ZFYVE9: variants seen among roughly 807,000 people sequenced by gnomAD.
ZFYVE9 encodes the protein zinc finger FYVE-type containing 9.
ZFYVE9 carries 43 observed loss-of-function variants against 126.7 expected under a neutral mutation model. The observed-to-expected ratio is 0.34, with a 90% CI of 0.27 to 0.44. The LOEUF (loss-of-function observed/expected upper bound fraction) is 0.44. Ranked by LOEUF, ZFYVE9 falls within the 20% of genes least tolerant of loss-of-function variation. ZFYVE9 has a pLI of 1.00. For synonymous variants in ZFYVE9, 521 were observed against 597.4 expected (o/e 0.87, Z 1.87); for missense variants, 1,476 against 1,697.0 (o/e 0.87, Z 2.29).
At chr1:52,218,485 G>A (rs1485878733) in intron 2 of ZFYVE9, among the ~76,000 whole-genome samples, 1 of 152,196 alleles carries the variant, frequency 6.6e-6, no homozygotes, top group East Asian at 1.9e-4. Context: ...AAAATAGTGA[G>A]TGAGTGGCAC....
chr1:52,192,130 CAG>C (rs1342165155), intron 1 of ZFYVE9, among the ~76,000 whole-genome samples: 1 of 151,746 alleles, frequency 6.6e-6, no homozygotes, highest in Non-Finnish European at 1.5e-5. Context: ...CACTGCAAAT[CAG>C]GGTGTAATCT....
At chr1:52,328,271 G>T (rs905495085) in intron 13 of ZFYVE9, among the ~76,000 whole-genome samples, 2 of 152,198 alleles carry the variant, frequency 1.3e-5, no homozygotes, top group African/African-American at 4.8e-5. Context: ...GTCCAGAAAA[G>T]AGGCAATTAG....
chr1:52,177,824 G>A (rs931742739), intron 1 of ZFYVE9, among the ~76,000 whole-genome samples: 4 of 152,160 alleles, frequency 2.6e-5, no homozygotes, highest in African/African-American at 9.7e-5. Flanking sequence ...TTGGGGAACT[G>A]CAAATAGTGT....
chr1:52,210,957 G>A (rs1645023276), intron 1 of ZFYVE9, among the ~76,000 whole-genome samples: 1 of 152,054 alleles, frequency 6.6e-6, no homozygotes, highest in South Asian at 2.1e-4. Context: ...CCCTGGCCAG[G>A]TATTTCTCTC....
intron 4 of ZFYVE9, among the ~76,000 whole-genome samples, chr1:52,259,669 C>T (rs1238333498): frequency 6.7e-6 from 1 of 150,164 alleles, no homozygotes; most frequent in Non-Finnish European, 1.5e-5. Context: ...TGGTGGTGCA[C>T]ACCTGTAATC....
At position 52,219,749 on chromosome 1, in the gene ZFYVE9, T is replaced by TGTGTGTGTGTG. The variant is rs1431955734; in HGVS notation, c.-37+3275_-37+3276insGTGTGTGTGTG. On this transcript the variant is annotated intron_variant, in intron 2 of 18. Transcript: ENST00000287727. ...ATAGAGCATTTCAGGCCAAGATCTTTTGTGTGTGTGTGTGTGTGTGTGTGT... is the reference window on the plus strand; with the variant it reads ...ATAGAGCATTTCAGGCCAAGATCTTTGTGTGTGTGTGTGTGTGTGTGTGTGTGTGTGTGTGT... Among the ~76,000 whole-genome samples, 29 of 113,344 alleles carry TGTGTGTGTGTG rather than the reference T, an allele frequency of 2.6e-4. 1 individual carries two copies. Among genetic ancestry groups the TGTGTGTGTGTG allele is most frequent in the African/African-American group, 1.0e-3 (29 of 29,038 alleles). The allele number at this position is 113,344 out of a possible 152,430, so 74.4% of individuals were successfully genotyped here. A position where few individuals can be genotyped will look rare whatever the true frequency, so the allele number is the denominator to read the frequency against.
rs572582475 is a variant in ZFYVE9, at chr1:52,260,103, C to G, written c.2179-3670C>G. Among the ~76,000 whole-genome samples, 74 of 151,752 alleles carry G rather than the reference C, an allele frequency of 4.9e-4. 1 individual carries two copies. The highest frequency in any genetic ancestry group is 1.7e-3 in the African/African-American group (69 of 41,320). ...GCTGAGTCATACTGAATAAACACTTCCAATTTTAAAAGATATTGTCAAATT... is the reference window on the plus strand; with the variant it reads ...GCTGAGTCATACTGAATAAACACTTGCAATTTTAAAAGATATTGTCAAATT... On this transcript the variant is annotated intron_variant, in intron 4 of 18. Coordinates refer to ENST00000287727, the MANE Select transcript of ZFYVE9 (RefSeq NM_004799.4).
chr1:52,239,613 A>G lies in ZFYVE9; in HGVS notation c.2178+18A>G, dbSNP rs3790523. On this transcript the variant is annotated intron_variant, in intron 4 of 18. Coordinates refer to ENST00000287727, the MANE Select transcript of ZFYVE9 (RefSeq NM_004799.4). ...GTGGGAAGGTAAGTTGCATGTATACACTCAGAAATCGGGCATGCACATTTT... is the reference window on the plus strand; with the variant it reads ...GTGGGAAGGTAAGTTGCATGTATACGCTCAGAAATCGGGCATGCACATTTT... The G allele has an allele frequency of 0.1, 165,386 of 1,596,812 alleles. 20,083 individuals carry two copies. The highest frequency in any genetic ancestry group is 0.62 in the African/African-American group (45,790 of 74,386).
intron 7 of ZFYVE9, among the ~76,000 whole-genome samples, chr1:52,270,544 G>A (rs181726771): frequency 1.1e-4 from 17 of 152,232 alleles, no homozygotes; most frequent in East Asian, 7.7e-4. Context: ...GATTACAGGC[G>A]TAAGCCACCG....
chr1:52,301,503 A>G lies in ZFYVE9; in HGVS notation c.3334-2318A>G, dbSNP rs1177343808. ...ATTTTTTATACAGACAAGGCCTCGC[A>G]GTGTTTCTCAGACTGGTCTCCAACT... is the stretch of plus-strand genomic sequence containing the variant. On this transcript the variant is annotated intron_variant, in intron 12 of 18. Transcript: ENST00000287727. Among the ~76,000 whole-genome samples, 5 of 151,568 alleles carry G rather than the reference A, an allele frequency of 3.3e-5. No homozygotes were observed. In the East Asian group the frequency reaches 9.7e-4, roughly 29 times the overall value.
At chr1:52,336,002 C>T (rs1332706948) in intron 15 of ZFYVE9, among the ~76,000 whole-genome samples, 2 of 152,044 alleles carry the variant, frequency 1.3e-5, no homozygotes, top group South Asian at 2.1e-4. Flanking sequence ...AGCGTGGTGG[C>T]GCATGCCTGT....
rs559738744 is a variant in ZFYVE9, at chr1:52,223,671, C to A, written c.-37+7197C>A. Among the ~76,000 whole-genome samples, 102 of 152,144 alleles carry A rather than the reference C, an allele frequency of 6.7e-4. 4 individuals are homozygous for A. In the South Asian group the frequency reaches 0.02, roughly 30 times the overall value. Reference sequence around the variant, plus strand: ...GAATTCTATGGGCCTTTCATCTTTCCCTTGTTGTACATTAAATGCTCAGGA... The same window carrying A: ...GAATTCTATGGGCCTTTCATCTTTCACTTGTTGTACATTAAATGCTCAGGA... On this transcript the variant is annotated intron_variant, in intron 2 of 18. Coordinates refer to ENST00000287727, the MANE Select transcript of ZFYVE9 (RefSeq NM_004799.4).
chr1:52,277,648 GTCCCTCAAA>G (rs2147812706), intron 8 of ZFYVE9, among the ~76,000 whole-genome samples: 1 of 152,176 alleles, frequency 6.6e-6, no homozygotes, highest in East Asian at 1.9e-4. Context: ...CTACCTGACT[GTCCCTCAAA>G]TATGCATTTT....
intron 1 of ZFYVE9, among the ~76,000 whole-genome samples, chr1:52,193,120 C>G (rs1341657183): frequency 2.6e-5 from 4 of 151,972 alleles, no homozygotes; most frequent in African/African-American, 9.7e-5. Context: ...TTTGTTGTTG[C>G]CTAGGCTGGA....
chr1:52,226,167 C>G lies in ZFYVE9; in HGVS notation c.-36-7004C>G, dbSNP rs1168499812. Among the ~76,000 whole-genome samples the G allele has an allele frequency of 2.6e-5, 4 of 152,218 alleles. No homozygotes were observed. The East Asian group carries it at 7.7e-4, about 29-fold the overall frequency. On this transcript the variant is annotated intron_variant, in intron 2 of 18. Transcript: ENST00000287727. Reference sequence around the variant, plus strand: ...GAACTTTCTCCTTGGCAGGTGCCATCTTATCTGCTCCTTACTGTACATGTG... The same window carrying G: ...GAACTTTCTCCTTGGCAGGTGCCATGTTATCTGCTCCTTACTGTACATGTG...
intron 5 of ZFYVE9, among the ~76,000 whole-genome samples, chr1:52,266,077 C>G (rs1047276751): frequency 6.6e-6 from 1 of 152,066 alleles, no homozygotes; most frequent in Non-Finnish European, 1.5e-5. Flanking sequence ...ATCAGTCTAT[C>G]AGAAGTATCC....
intron 1 of ZFYVE9, among the ~76,000 whole-genome samples, chr1:52,146,710 A>C (rs1288393067): frequency 2.6e-5 from 4 of 152,212 alleles, no homozygotes; most frequent in Non-Finnish European, 4.4e-5. Flanking sequence ...ATTGTTAATT[A>C]TTTATGTAGT....
At chr1:52,316,110 A>G (rs1164195270) in intron 13 of ZFYVE9, among the ~76,000 whole-genome samples, 1 of 125,942 alleles carries the variant, frequency 7.9e-6, no homozygotes, top group African/African-American at 2.8e-5. Context: ...GGTTGCAGTG[A>G]GCCGAGATCC....
At chr1:52,206,189 G>A (rs565578303) in intron 1 of ZFYVE9, among the ~76,000 whole-genome samples, 20 of 152,312 alleles carry the variant, frequency 1.3e-4, no homozygotes, top group African/African-American at 4.8e-4. Context: ...GCATAGCATA[G>A]AAGGGTCTGT....
Sources: gnomAD v4.1 joint callset for allele counts (sites outside exome capture counted in the v4.1 genomes callset) on GRCh38, gnomAD v4.1.1 for gene constraint, MANE v1.5 for transcripts, NCBI Gene and HGNC (gene_info 2026-07-23, HGNC 2026-07-21) for gene names.